TAS2R1: variants seen among roughly 807,000 people sequenced by gnomAD.
TAS2R1 encodes taste receptor type 2 member 1.
For missense variants in TAS2R1, 370 were observed against 353.4 expected (o/e 1.05, Z -0.38); for synonymous variants, 141 against 134.2 (o/e 1.05, Z -0.35).
intron 2 of TAS2R1, chr5:9,641,465 AT>A (rs1253180466): frequency 6.6e-6 from 1 of 152,192 alleles, no homozygotes; most frequent in Non-Finnish European, 1.5e-5. Flanking sequence ...TCTGCCAAAG[AT>A]TCACCGTTCC....
At chr5:9,809,940 T>C in the TAS2R1 span, among the ~76,000 whole-genome samples, 1 of 152,232 alleles carries the variant, frequency 6.6e-6, no homozygotes, top group African/African-American at 2.4e-5. Flanking sequence ...CAACTCAAGT[T>C]AGTGAAGATA....
At chr5:9,697,675 G>A (rs530950289) in intron 1 of TAS2R1, among the ~76,000 whole-genome samples, 13 of 152,136 alleles carry the variant, frequency 8.5e-5, no homozygotes, top group Admixed American at 7.2e-4. Context: ...CCTTCTATTT[G>A]CCAAAAAATG....
the TAS2R1 span, among the ~76,000 whole-genome samples, chr5:9,724,271 T>C: frequency 6.6e-6 from 1 of 152,116 alleles, no homozygotes. Context: ...CCTTTTTTTC[T>C]GGCTCTATTT....
chr5:9,756,659 G>A, the TAS2R1 span, among the ~76,000 whole-genome samples: 7 of 152,104 alleles, frequency 4.6e-5, no homozygotes, highest in Non-Finnish European at 7.4e-5. Context: ...TGAGTGGTTG[G>A]GGGCCTTTGG....
chr5:9,865,086 G>A, the TAS2R1 span, among the ~76,000 whole-genome samples: 1,947 of 152,294 alleles, frequency 0.013, 38 homozygotes, highest in African/African-American at 0.044. Flanking sequence ...AGTGATTATG[G>A]AGGCTGTCAG....
At chr5:9,818,962 C>T in the TAS2R1 span, among the ~76,000 whole-genome samples, 1 of 152,192 alleles carries the variant, frequency 6.6e-6, no homozygotes. Context: ...ACACAGGGAA[C>T]ATAATGATTT....
At chr5:9,719,918 C>CAAAAAAAA in the TAS2R1 span, among the ~76,000 whole-genome samples, 11 of 64,182 alleles carry the variant, frequency 1.7e-4, no homozygotes, top group African/African-American at 6.4e-4. Context: ...GATTCCGATT[C>CAAAAAAAA]AAAAAAAAAA....
chr5:9,656,454 T>C (rs1740420466), intron 2 of TAS2R1, among the ~76,000 whole-genome samples: 1 of 152,196 alleles, frequency 6.6e-6, no homozygotes, highest in African/African-American at 2.4e-5. Flanking sequence ...GGGCAGCCGA[T>C]GGGATAAGTT....
chr5:9,772,081 A>T, the TAS2R1 span, among the ~76,000 whole-genome samples: 2 of 151,652 alleles, frequency 1.3e-5, no homozygotes. Context: ...CTAGTTTTTA[A>T]GATGCACCAT....
At chr5:9,763,988 G>A in the TAS2R1 span, among the ~76,000 whole-genome samples, 2,533 of 152,298 alleles carry the variant, frequency 0.017, 63 homozygotes, top group African/African-American at 0.055. Flanking sequence ...GGAGGATAAA[G>A]GAGAAGACAC....
chr5:9,863,305 T>C, the TAS2R1 span, among the ~76,000 whole-genome samples: 2 of 146,966 alleles, frequency 1.4e-5, no homozygotes, highest in African/African-American at 5.1e-5. Context: ...TCTCGCTCTA[T>C]CGCCCAGACT....
At chr5:9,885,836 T>C in the TAS2R1 span, among the ~76,000 whole-genome samples, 1 of 151,796 alleles carries the variant, frequency 6.6e-6, no homozygotes, top group South Asian at 2.1e-4. Flanking sequence ...AAAACATATA[T>C]AAAAAAACAA....
the TAS2R1 span, among the ~76,000 whole-genome samples, chr5:9,845,137 T>C: frequency 6.6e-6 from 1 of 152,142 alleles, no homozygotes. Flanking sequence ...GTTTAGGTGA[T>C]GTCATGGGAG....
At chr5:9,633,289 G>GTGTAT (rs1160747405), upstream of TAS2R1, among the ~76,000 whole-genome samples, 3 of 61,548 alleles carry the variant, frequency 4.9e-5, no homozygotes, top group African/African-American at 7.2e-5. Flanking sequence ...GTGTGTGTGT[G>GTGTAT]TATATTATAT....
At chr5:9,836,394 C>T in the TAS2R1 span, among the ~76,000 whole-genome samples, 2 of 152,014 alleles carry the variant, frequency 1.3e-5, no homozygotes, top group Non-Finnish European at 2.9e-5. Flanking sequence ...ACATTTGGGG[C>T]AGGATAATTC....
the TAS2R1 span, among the ~76,000 whole-genome samples, chr5:9,887,939 C>G: frequency 6.6e-6 from 1 of 152,060 alleles, no homozygotes; most frequent in African/African-American, 2.4e-5. Context: ...GTAGGCAGGA[C>G]AGCAGGGCCA....
the TAS2R1 span, among the ~76,000 whole-genome samples, chr5:9,837,455 T>C: frequency 1.3e-5 from 2 of 152,262 alleles, no homozygotes; most frequent in Non-Finnish European, 2.9e-5. Flanking sequence ...GCTCGGAGCA[T>C]GCCTTGGAAG....
chr5:9,660,322 C>T lies in TAS2R1; in HGVS notation c.-241-741G>A, dbSNP rs867948893. Reference sequence around the variant, plus strand: ...CAATCTCCTGACCTCATGATCCACCCGCCTCGGCCTCCCAAAGTGCTGGGA... The same window carrying T: ...CAATCTCCTGACCTCATGATCCACCTGCCTCGGCCTCCCAAAGTGCTGGGA... On this transcript the variant is annotated intron_variant, in intron 1 of 2. Transcript: ENST00000506620. Among the ~76,000 whole-genome samples the T allele has an allele frequency of 9.3e-5, 14 of 150,924 alleles. No homozygotes were observed. The East Asian group carries it at 9.8e-4, about 11-fold the overall frequency.
the TAS2R1 span, among the ~76,000 whole-genome samples, chr5:9,861,309 TC>T: frequency 5.9e-5 from 9 of 152,134 alleles, no homozygotes; most frequent in East Asian, 1.4e-3. Flanking sequence ...TACTGACTGT[TC>T]TCCATGATCA....
Sources: allele counts gnomAD v4.1 joint callset (sites outside exome capture counted in the v4.1 genomes callset), GRCh38; gene constraint gnomAD v4.1.1; transcripts MANE v1.5; gene names NCBI Gene and HGNC (gene_info 2026-07-23, HGNC 2026-07-21).